The following PCGF6 variants were observed in gnomAD, a reference collection of about 807,000 sequenced individuals.
PCGF6 encodes the protein polycomb group ring finger 6.
In PCGF6, 24 loss-of-function variants were observed where a neutral mutation model predicts 45.5. The ratio of observed to expected loss-of-function variants is 0.53; its 90% confidence interval spans 0.38 to 0.74. The LOEUF (loss-of-function observed/expected upper bound fraction) is 0.74. Ranked by LOEUF, PCGF6 falls within the 30% of genes least tolerant of loss-of-function variation. The pLI, the probability that PCGF6 is intolerant of heterozygous loss-of-function variation, is 0.00. For missense variants in PCGF6, 356 were observed against 443.2 expected (o/e 0.80, Z 1.77); for synonymous variants, 152 against 162.1 (o/e 0.94, Z 0.47).
intron 6 of PCGF6, among the ~76,000 whole-genome samples, chr10:103,340,180 G>GAAA (rs58312332): frequency 2.8e-5 from 2 of 72,232 alleles, no homozygotes; most frequent in Non-Finnish European, 2.5e-5. Flanking sequence ...CTGTCTCAGG[G>GAAA]AAAAAAAAAA....
chr10:103,313,719 G>A (rs1195493022), intron 9 of PCGF6, among the ~76,000 whole-genome samples: 1 of 152,206 alleles, frequency 6.6e-6, no homozygotes, highest in African/African-American at 2.4e-5. Context: ...CCACAGGTTG[G>A]ACAAACTTGG....
At chr10:103,324,776 A>C (rs1409674656) in intron 8 of PCGF6, among the ~76,000 whole-genome samples, 2 of 108,700 alleles carry the variant, frequency 1.8e-5, no homozygotes, top group Admixed American at 8.7e-5. Context: ...AAAAAAAACC[A>C]AAAAAAAAAA....
At chr10:103,342,519 C>A (rs1446939278) in intron 6 of PCGF6, among the ~76,000 whole-genome samples, 1 of 152,134 alleles carries the variant, frequency 6.6e-6, no homozygotes, top group Non-Finnish European at 1.5e-5. Flanking sequence ...CAGGTGTGAG[C>A]CACCATGCCT....
chr10:103,308,123 T>C (rs1188149761), intron 9 of PCGF6, among the ~76,000 whole-genome samples: 1 of 151,890 alleles, frequency 6.6e-6, no homozygotes, highest in Non-Finnish European at 1.5e-5. Context: ...AGGGGAAAAG[T>C]GGGGTTGGAG....
At chr10:103,324,834 A>T (rs2093211479) in intron 8 of PCGF6, among the ~76,000 whole-genome samples, 1 of 150,504 alleles carries the variant, frequency 6.6e-6, no homozygotes, top group Non-Finnish European at 1.5e-5. Context: ...TTTAATCCAT[A>T]AAAAAAACTA....
intron 6 of PCGF6, 81 bp from the exon 7 acceptor site, chr10:103,334,033 T>C (rs112643532): frequency 3.0e-5 from 28 of 924,014 alleles, no homozygotes; most frequent in African/African-American, 1.9e-4. Context: ...TATAAATATT[T>C]GAGAAACATC....
intron 5 of PCGF6, among the ~76,000 whole-genome samples, chr10:103,345,596 G>A (rs1397408223): frequency 1.3e-5 from 2 of 152,080 alleles, no homozygotes; most frequent in East Asian, 3.9e-4. Flanking sequence ...GGGAGGCCAA[G>A]GTGGGTGGAT....
chr10:103,303,776 G>A lies in PCGF6; in HGVS notation c.*129C>T. 2.7e-6 allele frequency: 2 copies of A among 738,770 alleles called. No homozygotes were observed. The allele number at this position is 738,770 out of a possible 1,614,324, so 45.8% of individuals were successfully genotyped here. ...GTACTTATAAACGCTATAATTCTTG[G>A]TGCTAAAAATAGGTAAGTTATGTCT... On this transcript the variant is annotated 3_prime_UTR_variant, in exon 10 of 10. Coordinates refer to ENST00000369847, the MANE Select transcript of PCGF6 (RefSeq NM_001011663.2).
intron 1 of PCGF6, among the ~76,000 whole-genome samples, chr10:103,350,060 G>A (rs1163364162): frequency 1.3e-5 from 2 of 151,260 alleles, no homozygotes; most frequent in African/African-American, 2.4e-5. Flanking sequence ...TCCAGCCTGG[G>A]CGACAGAGCG....
chr10:103,316,359 G>A (rs542539327), intron 8 of PCGF6, among the ~76,000 whole-genome samples: 1 of 152,090 alleles, frequency 6.6e-6, no homozygotes, highest in Non-Finnish European at 1.5e-5. Flanking sequence ...TTTTAGCATG[G>A]TTGGGAAAGA....
rs2093127000 is a variant in PCGF6, at chr10:103,303,609, C to A, written c.*296G>T. 1 of 240,162 alleles carries A rather than the reference C, an allele frequency of 4.2e-6. No homozygotes were observed. The highest frequency in any genetic ancestry group is 2.2e-5 in the African/African-American group (1 of 44,564). 14.9% of individuals were successfully genotyped at this position (240,162 alleles called of 1,614,324 possible). A position where few individuals can be genotyped will look rare whatever the true frequency, so the allele number is the denominator to read the frequency against. ...AACAAAGAAAACTAACCAATTACTT[C>A]AAAGATGGGAAGCAAAATCAATGTC... is the stretch of plus-strand genomic sequence containing the variant. On this transcript the variant is annotated 3_prime_UTR_variant, in exon 10 of 10. Transcript: ENST00000369847.
At chr10:103,307,175 G>GCTCATGC (rs1463714055) in intron 9 of PCGF6, among the ~76,000 whole-genome samples, 14 of 151,948 alleles carry the variant, frequency 9.2e-5, no homozygotes, top group Non-Finnish European at 1.2e-4. Context: ...GTGGCTCATG[G>GCTCATGC]CTCATGCCTG....
intron 6 of PCGF6, among the ~76,000 whole-genome samples, chr10:103,341,786 A>G (rs1362510883): frequency 6.6e-6 from 1 of 152,040 alleles, no homozygotes; most frequent in Non-Finnish European, 1.5e-5. Context: ...TCATTAAAAG[A>G]TATTACTCCA....
intron 7 of PCGF6, among the ~76,000 whole-genome samples, chr10:103,330,947 C>T (rs1592067572): frequency 6.6e-6 from 1 of 152,134 alleles, no homozygotes; most frequent in South Asian, 2.1e-4. Context: ...AAAAAAGAAA[C>T]CTGTACCTCT....
At chr10:103,330,475 T>C (rs961593850) in intron 7 of PCGF6, among the ~76,000 whole-genome samples, 1 of 152,082 alleles carries the variant, frequency 6.6e-6, no homozygotes, top group Admixed American at 6.6e-5. Flanking sequence ...TATCGAATCT[T>C]GGCTTAGGTA....
At chr10:103,349,112 A>T in intron 1 of PCGF6, 113 bp from the exon 2 acceptor site, 6 of 848,380 alleles carry the variant, frequency 7.1e-6, no homozygotes, top group Non-Finnish European at 1.1e-5. Flanking sequence ...CAGTGATGTC[A>T]TCTCGGTTCA....
chr10:103,317,575 G>C (rs1018094611), intron 8 of PCGF6, among the ~76,000 whole-genome samples: 1 of 151,940 alleles, frequency 6.6e-6, no homozygotes, highest in Admixed American at 6.6e-5. Flanking sequence ...GCTTGAGTTT[G>C]AGGTAGTGAG....
chr10:103,319,600 C>T (rs563604136), intron 8 of PCGF6, among the ~76,000 whole-genome samples: 1 of 152,178 alleles, frequency 6.6e-6, no homozygotes, highest in East Asian at 1.9e-4. Flanking sequence ...TAGTTGTTTA[C>T]TTATATATCT....
chr10:103,311,385 G>C (rs1214333648), intron 9 of PCGF6, among the ~76,000 whole-genome samples: 1 of 151,286 alleles, frequency 6.6e-6, no homozygotes, highest in African/African-American at 2.4e-5. Flanking sequence ...CAAATGATCT[G>C]CCCGTCTCTG....
Sources: allele counts gnomAD v4.1 joint callset (sites outside exome capture counted in the v4.1 genomes callset), GRCh38; gene constraint gnomAD v4.1.1; transcripts MANE v1.5; gene names NCBI Gene and HGNC (gene_info 2026-07-23, HGNC 2026-07-21).